Variants in EXOC4 observed in about 807,000 individuals in gnomAD.
EXOC4 encodes the protein exocyst complex component 4, also known as SEC8-like 1.
EXOC4 carries 71 observed loss-of-function variants against 107.2 expected under a neutral mutation model. The observed-to-expected ratio is 0.66, with a 90% CI of 0.55 to 0.81. EXOC4 has a LOEUF of 0.81. Ranked by LOEUF, EXOC4 falls within the 30% of genes least tolerant of loss-of-function variation. The pLI is 0.00. For synonymous variants in EXOC4, 456 were observed against 441.2 expected, an observed-to-expected ratio of 1.03 and a Z score of -0.42; for missense variants, 1,108 against 1,189.6, an observed-to-expected ratio of 0.93 and a Z score of 1.01.
intron 1 of EXOC4, among the ~76,000 whole-genome samples, chr7:133,271,641 G>A (rs2150520345): frequency 6.6e-6 from 1 of 152,270 alleles, no homozygotes; most frequent in East Asian, 1.9e-4. Context: ...TCTTCTCCAG[G>A]AGCTGCCTAT....
chr7:133,845,512 C>A (rs1417439615), intron 11 of EXOC4, among the ~76,000 whole-genome samples: 1 of 151,422 alleles, frequency 6.6e-6, no homozygotes, highest in East Asian at 1.9e-4. Context: ...TAGGCTCATC[C>A]CAAACTGTCC....
chr7:133,401,737 G>A (rs1002673042), intron 7 of EXOC4, among the ~76,000 whole-genome samples: 1 of 151,126 alleles, frequency 6.6e-6, no homozygotes, highest in Non-Finnish European at 1.5e-5. Context: ...ATGCTAAGTA[G>A]TCTATACAGT....
intron 5 of EXOC4, among the ~76,000 whole-genome samples, chr7:133,327,011 C>T (rs912893203): frequency 3.9e-5 from 6 of 152,178 alleles, no homozygotes; most frequent in African/African-American, 7.2e-5. Context: ...CCAAGCCAGG[C>T]GTGGGATATA....
chr7:133,277,869 C>T (rs1334635701), intron 2 of EXOC4, among the ~76,000 whole-genome samples: 1 of 152,108 alleles, frequency 6.6e-6, no homozygotes, highest in African/African-American at 2.4e-5. Flanking sequence ...TAATCTTTTC[C>T]TGTCATTTTT....
At chr7:133,292,772 C>T (rs147864938) in intron 3 of EXOC4, among the ~76,000 whole-genome samples, 29 of 152,168 alleles carry the variant, frequency 1.9e-4, no homozygotes, top group Middle Eastern at 3.4e-3. Context: ...TGTGTCTTAC[C>T]TATTTTTGTC....
At chr7:134,062,290 G>A (rs1193832266) in intron 17 of EXOC4, among the ~76,000 whole-genome samples, 3 of 152,158 alleles carry the variant, frequency 2.0e-5, no homozygotes, top group Non-Finnish European at 2.9e-5. Context: ...AGGAGGCTTA[G>A]CAGGAGGAAA....
intron 10 of EXOC4, among the ~76,000 whole-genome samples, chr7:133,653,072 G>A (rs1159436066): frequency 1.3e-5 from 2 of 152,134 alleles, no homozygotes; most frequent in African/African-American, 4.8e-5. Flanking sequence ...AACTGAGATT[G>A]GGGCCTTGAA....
intron 14 of EXOC4, among the ~76,000 whole-genome samples, chr7:133,957,685 C>T (rs911760645): frequency 6.6e-6 from 1 of 152,176 alleles, no homozygotes; most frequent in African/African-American, 2.4e-5. Flanking sequence ...CAAAAGGCTT[C>T]ATTATCAGGA....
chr7:133,853,294 G>T (rs943931458), intron 11 of EXOC4, among the ~76,000 whole-genome samples: 1 of 142,230 alleles, frequency 7.0e-6, no homozygotes, highest in African/African-American at 2.6e-5. Flanking sequence ...TCTGTCCCTC[G>T]CCCTCTCTTT....
intron 7 of EXOC4, among the ~76,000 whole-genome samples, chr7:133,404,882 C>A (rs1425520935): frequency 2.8e-5 from 1 of 35,122 alleles, no homozygotes; most frequent in African/African-American, 1.5e-4. Context: ...CCCCCCCCCC[C>A]AATACACACA....
At chr7:133,861,321 T>C (rs968890490) in intron 11 of EXOC4, among the ~76,000 whole-genome samples, 1 of 152,192 alleles carries the variant, frequency 6.6e-6, no homozygotes, top group Admixed American at 6.5e-5. Flanking sequence ...GCTAGTTACC[T>C]GGGTGGCAAA....
chr7:133,607,572 T>C (rs1222132454), intron 9 of EXOC4, among the ~76,000 whole-genome samples: 1 of 152,150 alleles, frequency 6.6e-6, no homozygotes, highest in Non-Finnish European at 1.5e-5. Flanking sequence ...TAAATAATTA[T>C]AGGGCAACAA....
chr7:133,777,297 G>A (rs1315286461), intron 10 of EXOC4, among the ~76,000 whole-genome samples: 1 of 50,782 alleles, frequency 2.0e-5, no homozygotes, highest in Non-Finnish European at 4.1e-5. Context: ...GAGAGAGAGA[G>A]AGAGAGAGAG....
chr7:133,294,571 A>G (rs1449667513), intron 3 of EXOC4, among the ~76,000 whole-genome samples: 1 of 152,104 alleles, frequency 6.6e-6, no homozygotes, highest in Admixed American at 6.6e-5. Flanking sequence ...CCATAGCTGT[A>G]TAGTCAGATA....
intron 9 of EXOC4, among the ~76,000 whole-genome samples, chr7:133,534,230 A>G (rs569516602): frequency 6.6e-6 from 1 of 152,258 alleles, no homozygotes; most frequent in East Asian, 1.9e-4. Flanking sequence ...TAATGACTGC[A>G]TACATTTTAA....
chr7:133,500,101 C>T (rs1365667029), intron 9 of EXOC4, among the ~76,000 whole-genome samples: 2 of 151,878 alleles, frequency 1.3e-5, no homozygotes, highest in Admixed American at 1.3e-4. Flanking sequence ...ATAGGGTTTG[C>T]AAAATAACTT....
intron 11 of EXOC4, among the ~76,000 whole-genome samples, chr7:133,860,519 A>G: frequency 6.6e-6 from 1 of 152,230 alleles, no homozygotes; most frequent in Non-Finnish European, 1.5e-5. Flanking sequence ...TATGGAAAAG[A>G]AAAAGAAATC....
chr7:133,548,152 G>C (rs1800518827), intron 9 of EXOC4, among the ~76,000 whole-genome samples: 2 of 151,926 alleles, frequency 1.3e-5, no homozygotes, highest in African/African-American at 4.8e-5. Flanking sequence ...CATTTCACTA[G>C]TGTTTACAGC....
chr7:133,263,374 CTTTT>C (rs920302686), intron 1 of EXOC4, among the ~76,000 whole-genome samples: 2 of 83,974 alleles, frequency 2.4e-5, no homozygotes, highest in Admixed American at 1.5e-4. Flanking sequence ...AAAAAGCATT[CTTTT>C]TTTTTTTTTT....
Sources: allele counts gnomAD v4.1 joint callset (sites outside exome capture counted in the v4.1 genomes callset), GRCh38; gene constraint gnomAD v4.1.1; transcripts MANE v1.5; gene names NCBI Gene and HGNC (gene_info 2026-07-23, HGNC 2026-07-21).